DGAT1: variants seen among roughly 807,000 people sequenced by gnomAD.
The protein encoded by DGAT1 is ACAT related gene product 1.
In DGAT1, 60 loss-of-function variants were observed where a neutral mutation model predicts 72.6. The ratio of observed to expected loss-of-function variants is 0.83; its 90% CI spans 0.67 to 1.02. DGAT1 has a LOEUF of 1.02. Among genes scored for constraint, DGAT1 ranks in the 50% least tolerant of loss-of-function variants. DGAT1 has a pLI of 0.00. For synonymous variants in DGAT1, 290 were observed against 267.5 expected, an observed-to-expected ratio of 1.08 and a Z score of -0.82; for missense variants, 592 against 670.0, an observed-to-expected ratio of 0.88 and a Z score of 1.29.
chr8:144,318,148 C>A lies in DGAT1; in HGVS notation c.698G>T (p.Ser233Ile). The change falls in exon 8 of 17, where the codon AGC becomes ATC. Residue 233 changes from serine (S) to isoleucine (I), a missense_variant. Coordinates refer to ENST00000528718, the MANE Select transcript of DGAT1 (RefSeq NM_012079.6). ...CACGGTGTGCGGGGCAGCAGCACTGCTGGCCTTCTTCCCTGCAGAGGCTAC... is the reference window on the plus strand; with the variant it reads ...CACGGTGTGCGGGGCAGCAGCACTGATGGCCTTCTTCCCTGCAGAGGCTAC... ...AKAASAGKKA[S>I]SAAAPHTVSY... The A allele has an allele frequency of 6.3e-7, 1 of 1,580,146 alleles. No homozygotes were observed. The highest frequency in any genetic ancestry group is 8.6e-7 in the Non-Finnish European group (1 of 1,161,540).
At chr8:144,319,420 G>C (rs1254859245) in intron 2 of DGAT1, among the ~76,000 whole-genome samples, 3 of 152,228 alleles carry the variant, frequency 2.0e-5, no homozygotes, top group Non-Finnish European at 4.4e-5. Flanking sequence ...AGCCGAGCCA[G>C]TGAGGGACCC....
At chr8:144,318,786 C>T (rs1443533303) in intron 4 of DGAT1, 35 bp from the exon 5 acceptor site, 4 of 1,606,326 alleles carry the variant, frequency 2.5e-6, no homozygotes, top group Non-Finnish European at 3.4e-6. Flanking sequence ...AGGTTTAGGG[C>T]CACGTCAGCC....
Position 144,322,937 on chromosome 8 carries a change from C to T in DGAT1, c.201-1529G>A, listed in dbSNP as rs528653056. On this transcript the variant is annotated intron_variant, in intron 1 of 16. Transcript: ENST00000528718. ...TCTCCCCAGCCTACTCCACTCACTG[C>T]CTGCCCACAACCAGGAGGCTGGGTG... Among the ~76,000 whole-genome samples, 4 of 152,226 alleles carry T rather than the reference C, an allele frequency of 2.6e-5. No individual in the cohort carries two copies. In the South Asian group the frequency reaches 6.2e-4, roughly 24 times the overall value.
At position 144,318,034 on chromosome 8, in the gene DGAT1, G is replaced by A. The variant is rs1554847485; in HGVS notation, c.752-17C>T. On this transcript the variant is annotated splice_polypyrimidine_tract_variant and intron_variant, in intron 8 of 16. Transcript: ENST00000528718. ...AGTAGAGATCTGGAATGGGAATGGG[G>A]GGTTGGTACCAGAACAGGCCCAGCC... 5.3e-6 allele frequency: 8 copies of A among 1,517,074 alleles called. No individual in the cohort carries two copies. The highest frequency in any genetic ancestry group is 6.2e-6 in the Non-Finnish European group (7 of 1,134,202). The allele number at this position is 1,517,074 out of a possible 1,614,324, so 94.0% of individuals were successfully genotyped here.
intron 1 of DGAT1, among the ~76,000 whole-genome samples, chr8:144,323,412 T>A (rs1248950908): frequency 6.6e-5 from 10 of 150,628 alleles, no homozygotes; most frequent in African/African-American, 2.4e-4. Context: ...GCACCCCCAC[T>A]GCGCTACCCC....
rs1230448756 is a variant in DGAT1, at chr8:144,314,608, T to C, written c.*1946A>G. On this transcript the variant is annotated 3_prime_UTR_variant, in exon 17 of 17. Coordinates refer to ENST00000528718, the MANE Select transcript of DGAT1 (RefSeq NM_012079.6). The stretch of plus-strand genomic sequence containing the variant: ...GTTGTTCATAGTCAGAATTGTATTT[T>C]GGATTTTTACACAACTGTCCCGTTC... 2 of 516,144 alleles carry C rather than the reference T, an allele frequency of 3.9e-6. No homozygotes were observed. The highest frequency in any genetic ancestry group is 3.2e-5 in the Admixed American group (1 of 31,304). The allele number at this position is 516,144 out of a possible 1,614,324, so 32.0% of individuals were successfully genotyped here.
intron 1 of DGAT1, 60 bp from the exon 2 acceptor site, chr8:144,321,468 G>T: frequency 1.4e-6 from 2 of 1,480,656 alleles, no homozygotes; most frequent in Non-Finnish European, 1.9e-6. Context: ...CGCCACCCCC[G>T]CAGGATCCAG....
intron 1 of DGAT1, among the ~76,000 whole-genome samples, chr8:144,322,778 G>C (rs1817494269): frequency 6.6e-6 from 1 of 152,120 alleles, no homozygotes; most frequent in Admixed American, 6.5e-5. Context: ...GCCTCTCCCA[G>C]CTCCAGCCTG....
chr8:144,315,419 G>T lies in DGAT1; in HGVS notation c.*1135C>A, dbSNP rs868919429. On this transcript the variant is annotated 3_prime_UTR_variant, in exon 17 of 17. Transcript: ENST00000528718. Reference sequence around the variant, plus strand: ...CAGCAGGTTGCTGATGAGGCCCCTGGTGCAGTCCTGGGACCCTGTGCAGGG... The same window carrying T: ...CAGCAGGTTGCTGATGAGGCCCCTGTTGCAGTCCTGGGACCCTGTGCAGGG... 23 of 985,408 alleles carry T rather than the reference G, an allele frequency of 2.3e-5. No homozygotes were observed. The South Asian group carries it at 2.3e-4, about 10-fold the overall frequency. 61.0% of individuals were successfully genotyped at this position (985,408 alleles called of 1,614,324 possible).
rs1817306369 is a variant in DGAT1 at position 144,318,030 on chromosome 8, TG to T, written c.752-14del. On this transcript the variant is annotated splice_polypyrimidine_tract_variant and intron_variant, in intron 8 of 16. Transcript: ENST00000528718. ...AAGTAGTAGAGATCTGGAATGGGAA[TG>T]GGGGGTTGGTACCAGAACAGGCCCA... 8 of 1,517,012 alleles carry T rather than the reference TG, an allele frequency of 5.3e-6. No individual in the cohort carries two copies. Among genetic ancestry groups the T allele is most frequent in the Non-Finnish European group, 7.1e-6 (8 of 1,134,178 alleles). 94.0% of individuals were successfully genotyped at this position (1,517,012 alleles called of 1,614,324 possible).
chr8:144,318,215 T>TGCCCAGCC, intron 7 of DGAT1, 46 bp from the exon 8 acceptor site: 1 of 1,608,966 alleles, frequency 6.2e-7, no homozygotes, highest in Non-Finnish European at 8.5e-7. Flanking sequence ...GCCCTGCTGC[T>TGCCCAGCC]GCCCAGCCCC....
At chr8:144,321,554 C>A (rs1817459405) in intron 1 of DGAT1, 146 bp from the exon 2 acceptor site, 1 of 722,284 alleles carries the variant, frequency 1.4e-6, no homozygotes. Flanking sequence ...CCAGGCAGAG[C>A]CACACTGTGG....
intron 4 of DGAT1, 22 bp downstream of exon 4, chr8:144,318,813 C>G: frequency 6.2e-7 from 1 of 1,609,506 alleles, no homozygotes; most frequent in Non-Finnish European, 8.5e-7. Context: ...CCACCCGAGG[C>G]CCTCCTCAGA....
chr8:144,319,413 C>T (rs1035968305), intron 2 of DGAT1, among the ~76,000 whole-genome samples: 2 of 152,218 alleles, frequency 1.3e-5, no homozygotes, highest in African/African-American at 2.4e-5. Context: ...CCTGCTGAGC[C>T]GAGCCAGTGA....
chr8:144,319,859 C>A (rs545690033), intron 2 of DGAT1, among the ~76,000 whole-genome samples: 28 of 152,360 alleles, frequency 1.8e-4, no homozygotes, highest in Non-Finnish European at 3.7e-4. Context: ...TGGCTGACCA[C>A]CCGGAGCTCG....
intron 2 of DGAT1, among the ~76,000 whole-genome samples, chr8:144,319,675 C>T (rs1817388710): frequency 6.6e-6 from 1 of 152,182 alleles, no homozygotes; most frequent in Non-Finnish European, 1.5e-5. Context: ...CCCTCTAAGC[C>T]TTGGACACTT....
intron 13 of DGAT1, 25 bp downstream of exon 13, chr8:144,317,308 C>G: frequency 6.2e-7 from 1 of 1,612,862 alleles, no homozygotes; most frequent in Non-Finnish European, 8.5e-7. Context: ...ATCCCAGCCC[C>G]CAGGGACACC....
rs782142223 is a variant in DGAT1 at position 144,318,920 on chromosome 8, C to T, written c.330G>A (p.Lys110=). The change falls in exon 4 of 17, where the codon AAG becomes AAA. Residue 110 remains lysine (K), a splice_region_variant and synonymous_variant. Coordinates refer to ENST00000528718, the MANE Select transcript of DGAT1 (RefSeq NM_012079.6). ...GGATGGGGTCCACCAGGATGCCATA[C>T]CTGGGGGTGGAGGGATGGGGGTCTG... The part of the protein sequence containing the change: ...NARLFLENLI[K]YGILVDPIQV... 5 of 1,557,368 alleles carry T rather than the reference C, an allele frequency of 3.2e-6. No individual in the cohort carries two copies. The highest frequency in any genetic ancestry group is 4.4e-6 in the Non-Finnish European group (5 of 1,147,548).
rs1817314470 is a variant in DGAT1 at position 144,318,186 on chromosome 8, G to A, written c.677-17C>T. The A allele has an allele frequency of 3.7e-6, 6 of 1,609,038 alleles. No individual in the cohort carries two copies. The highest frequency in any genetic ancestry group is 1.7e-5 in the Admixed American group (1 of 59,592). On this transcript the variant is annotated splice_polypyrimidine_tract_variant and intron_variant, in intron 7 of 16. Transcript: ENST00000528718. Reference sequence around the variant, plus strand: ...CTGCAGAGGCTACGAGCACAGCAGAGTGGGAGGGGGCTGGTGGGGCCCTGC... The same window carrying A: ...CTGCAGAGGCTACGAGCACAGCAGAATGGGAGGGGGCTGGTGGGGCCCTGC...
Sources: gnomAD v4.1 joint callset for allele counts (sites outside exome capture counted in the v4.1 genomes callset) on GRCh38, gnomAD v4.1.1 for gene constraint, MANE v1.5 for transcripts, NCBI Gene and HGNC (gene_info 2026-07-23, HGNC 2026-07-21) for gene names.